NARS1: variants seen among roughly 807,000 people sequenced by gnomAD.
The protein encoded by NARS1 is asparaginyl-tRNA synthetase 1, also known as asparagine--tRNA ligase, cytoplasmic.
In NARS1, 65 loss-of-function variants were observed where a neutral mutation model predicts 79.2. The observed-to-expected ratio is 0.82, with a 90% CI of 0.67 to 1.01. NARS1 has a LOEUF of 1.01. Among genes scored for constraint, NARS1 ranks in the 50% least tolerant of loss-of-function variants. The pLI is 0.00. For missense variants in NARS1, 649 were observed against 673.8 expected, an observed-to-expected ratio of 0.96 and a Z score of 0.41; for synonymous variants, 229 against 238.8, an observed-to-expected ratio of 0.96 and a Z score of 0.38.
chr18:57,608,170 C>T (rs529965488), intron 7 of NARS1, among the ~76,000 whole-genome samples: 1 of 151,860 alleles, frequency 6.6e-6, no homozygotes, highest in South Asian at 2.1e-4. Flanking sequence ...GCAGCCTGTG[C>T]GTTTCCATTT....
chr18:57,602,713 A>G (rs2051519272), intron 12 of NARS1, 99 bp downstream of exon 12: 1 of 1,393,544 alleles, frequency 7.2e-7, no homozygotes, highest in Non-Finnish European at 9.7e-7. Context: ...TTCTAGATAG[A>G]GAATGAAATA....
intron 6 of NARS1, among the ~76,000 whole-genome samples, chr18:57,610,112 A>C (rs909723002): frequency 1.4e-4 from 18 of 130,786 alleles, no homozygotes; most frequent in African/African-American, 5.2e-4. Context: ...AGTCATTAGG[A>C]AAAAACTGAT....
intron 12 of NARS1, 80 bp from the exon 13 acceptor site, chr18:57,602,566 T>G (rs146074517): frequency 1.3e-6 from 2 of 1,505,298 alleles, no homozygotes; most frequent in Non-Finnish European, 1.8e-6. Context: ...TAAATGAAAA[T>G]TACAATTAAG....
intron 2 of NARS1, among the ~76,000 whole-genome samples, chr18:57,616,527 G>T (rs1908037219): frequency 6.6e-6 from 1 of 152,014 alleles, no homozygotes. Flanking sequence ...AGTTCCCCAG[G>T]AAAAGCAGAC....
chr18:57,611,133 G>GT (rs371003471), intron 6 of NARS1, among the ~76,000 whole-genome samples: 21 of 151,710 alleles, frequency 1.4e-4, no homozygotes, highest in African/African-American at 5.1e-4. Context: ...CACCTGGCTA[G>GT]TTTTTGTATT....
intron 1 of NARS1, 52 bp from the exon 2 acceptor site, chr18:57,620,703 C>T: frequency 2.8e-6 from 3 of 1,062,572 alleles, no homozygotes; most frequent in South Asian, 2.7e-5. Flanking sequence ...CTATTAGTCA[C>T]CTTACTACTT....
chr18:57,620,451 T>C, intron 2 of NARS1, 118 bp downstream of exon 2: 1 of 669,276 alleles, frequency 1.5e-6, no homozygotes. Context: ...ACTTTCCCTT[T>C]TCTGAAAATT....
chr18:57,601,586 T>C lies in NARS1; in HGVS notation c.*66A>G, dbSNP rs2051506405. ...AACAAAAAAAGGAAGATTCTGGCTT[T>C]TTGTTTTCTTTTTTAAAGAGCCTGT... On this transcript the variant is annotated 3_prime_UTR_variant, in exon 14 of 14. Transcript: ENST00000256854. The C allele has an allele frequency of 6.8e-7, 1 of 1,464,212 alleles. No homozygotes were observed. Among genetic ancestry groups the C allele is most frequent in the Non-Finnish European group, 9.2e-7 (1 of 1,086,338 alleles). 90.7% of individuals were successfully genotyped at this position (1,464,212 alleles called of 1,614,324 possible).
In NARS1 at chr18:57,601,408, G is replaced by T; in HGVS notation, c.*244C>A. ...AATGTATCCCTAACTACAGTTTCAT[G>T]CCAGGTATTTTCCCCGAACTTTGTT... On this transcript the variant is annotated 3_prime_UTR_variant, in exon 14 of 14. Coordinates refer to ENST00000256854, the MANE Select transcript of NARS1 (RefSeq NM_004539.4). 1 of 351,286 alleles carries T rather than the reference G, an allele frequency of 2.8e-6. No individual in the cohort carries two copies. The highest frequency in any genetic ancestry group is 2.0e-5 in the African/African-American group (1 of 48,898). The allele number at this position is 351,286 out of a possible 1,614,324, so 21.8% of individuals were successfully genotyped here. A position where few individuals can be genotyped will look rare whatever the true frequency, so the allele number is the denominator to read the frequency against.
intron 1 of NARS1, 105 bp downstream of exon 1, chr18:57,621,602 CG>C: frequency 4.5e-6 from 3 of 666,004 alleles, no homozygotes. Context: ...CAAACATTCG[CG>C]GGGCGCCCAC....
chr18:57,612,056 C>A (rs1382816928), intron 5 of NARS1, among the ~76,000 whole-genome samples: 1 of 152,176 alleles, frequency 6.6e-6, no homozygotes, highest in Non-Finnish European at 1.5e-5. Flanking sequence ...TGCACCCAGC[C>A]ATGACTTAAT....
chr18:57,612,475 G>A (rs1241941254), intron 5 of NARS1, among the ~76,000 whole-genome samples: 12 of 151,356 alleles, frequency 7.9e-5, no homozygotes, highest in Non-Finnish European at 1.5e-5. Flanking sequence ...CACTTTTGTC[G>A]CCCAGGCTAG....
Position 57,602,837 on chromosome 18 carries a change from G to A in NARS1, c.1358C>T (p.Pro453Leu). The A allele has an allele frequency of 6.2e-7, 1 of 1,614,046 alleles. No homozygotes were observed. The highest frequency in any genetic ancestry group is 1.1e-5 in the South Asian group (1 of 91,078). The change falls in exon 12 of 14, where the codon CCT becomes CTT. Residue 453 changes from proline to leucine, a missense_variant. Transcript: ENST00000256854. ...AGATTCAGTAAGACGGGAATCCTCA[G>A]GACATCGCTGCATGTAGAAGGACTT... ...EIKSFYMQRCPEDSRLTESVD... is the reference protein window; with the variant it reads ...EIKSFYMQRCLEDSRLTESVD...
rs931213463 is a variant in NARS1 at position 57,602,254 on chromosome 18, T to C, written c.1515+101A>G. ...GCAAACTGAATATAGCTCATTCAAA[T>C]ACCAAAGTACTACCCTGAATTCTCC... On this transcript the variant is annotated intron_variant, in intron 13 of 13. Transcript: ENST00000256854. The C allele has an allele frequency of 5.3e-6, 6 of 1,127,740 alleles. No homozygotes were observed. In the African/African-American group the frequency reaches 9.4e-5, roughly 18 times the overall value. The allele number at this position is 1,127,740 out of a possible 1,614,324, so 69.9% of individuals were successfully genotyped here. A position where few individuals can be genotyped will look rare whatever the true frequency, so the allele number is the denominator to read the frequency against.
At chr18:57,615,784 A>C in intron 3 of NARS1, 33 bp downstream of exon 3, 2 of 1,610,638 alleles carry the variant, frequency 1.2e-6, no homozygotes, top group East Asian at 4.5e-5. Context: ...TTCTAACTTT[A>C]ACAACGTTCA....
intron 10 of NARS1, 79 bp from the exon 11 acceptor site, chr18:57,606,049 A>AT (rs2051553617): frequency 2.2e-6 from 2 of 930,100 alleles, no homozygotes. Context: ...TTAAAAAACT[A>AT]TTATAAAGTA....
intron 13 of NARS1, 90 bp from the exon 14 acceptor site, chr18:57,601,873 G>A (rs1427605590): frequency 7.2e-7 from 1 of 1,383,454 alleles, no homozygotes; most frequent in Non-Finnish European, 1.0e-6. Flanking sequence ...CATGAAAGGA[G>A]TTAGCTCACT....
intron 2 of NARS1, among the ~76,000 whole-genome samples, chr18:57,620,327 A>T (rs1908245598): frequency 6.6e-6 from 1 of 152,252 alleles, no homozygotes; most frequent in Non-Finnish European, 1.5e-5. Context: ...GAAAAATTCC[A>T]AGAAGCAATG....
chr18:57,607,188 C>CA lies in NARS1; in HGVS notation c.946dup (p.Cys316LeufsTer19). On this transcript the variant is annotated frameshift_variant, in exon 9 of 14. Coordinates refer to ENST00000256854, the MANE Select transcript of NARS1 (RefSeq NM_004539.4). LOFTEE classifies it high-confidence loss of function. ...CTCTGCCCGGTATGACTGAGCAATA[C>CA]AAAAAACATCTCCCAGGGCTGGGAG... 2 of 1,614,058 alleles carry CA rather than the reference C, an allele frequency of 1.2e-6. No individual in the cohort carries two copies. The highest frequency in any genetic ancestry group is 1.7e-6 in the Non-Finnish European group (2 of 1,180,008).
Sources: gnomAD v4.1 joint callset for allele counts (sites outside exome capture counted in the v4.1 genomes callset) on GRCh38, gnomAD v4.1.1 for gene constraint, MANE v1.5 for transcripts, NCBI Gene and HGNC (gene_info 2026-07-23, HGNC 2026-07-21) for gene names.